Variants in SIGLEC1 observed in about 807,000 individuals in gnomAD.
SIGLEC1 encodes the protein sialoadhesin.
Under a neutral mutation model 148.0 loss-of-function variants are expected in SIGLEC1, and 132 were observed. The observed-to-expected ratio is 0.89, with a 90% CI of 0.77 to 1.03. The LOEUF (loss-of-function observed/expected upper bound fraction) is 1.03, where lower values mean the gene tolerates loss of function less well. Among genes scored for constraint, SIGLEC1 ranks in the 50% least tolerant of loss-of-function variants. The pLI, the probability that SIGLEC1 is intolerant of heterozygous loss-of-function variation, is 0.00. For missense variants in SIGLEC1, 2,253 were observed against 2,271.4 expected, an observed-to-expected ratio of 0.99 and a Z score of 0.16; for synonymous variants, 945 against 969.0, an observed-to-expected ratio of 0.98 and a Z score of 0.46.
intron 4 of SIGLEC1, 114 bp downstream of exon 4, chr20:3,705,630 G>T: frequency 8.4e-7 from 1 of 1,186,110 alleles, no homozygotes; most frequent in South Asian, 1.4e-5. Context: ...CCCAGGAGCA[G>T]CCTGGTTTTG....
Position 3,698,086 on chromosome 20 carries a change from C to A in SIGLEC1, c.1834G>T (p.Ala612Ser), listed in dbSNP as rs750338322. 6.8e-6 allele frequency: 11 copies of A among 1,607,544 alleles called. No homozygotes were observed. The highest frequency in any genetic ancestry group is 2.2e-5 in the South Asian group (2 of 90,468). Residue 612 changes from alanine to serine, a missense_variant, in exon 9 of 22, where the codon GCT (alanine) becomes TCT (serine). By Grantham distance (99) the Ala-to-Ser change is moderately conservative. Transcript: ENST00000344754. ...CCTCGCCGTCCAGCCCCGGCCCCAG[C>A]GGCATCAAGGTCCAGCCTGGTGGTG... ...TFTTRLDLDA[A>S]GAGAGRRGLL...
At chr20:3,703,114 C>A (rs1185105577) in intron 6 of SIGLEC1, 83 bp downstream of exon 6, 1 of 1,575,352 alleles carries the variant, frequency 6.3e-7, no homozygotes, top group East Asian at 2.3e-5. Context: ...GTTCCCATGC[C>A]CAGGACCCCA....
intron 6 of SIGLEC1, chr20:3,702,966 T>C: frequency 1.8e-6 from 1 of 563,504 alleles, no homozygotes; most frequent in Admixed American, 3.2e-5. Context: ...ATAATCATTA[T>C]TTGTCTTTCT....
intron 1 of SIGLEC1, among the ~76,000 whole-genome samples, chr20:3,709,986 A>G (rs1308708453): frequency 2.0e-5 from 3 of 152,238 alleles, no homozygotes; most frequent in Non-Finnish European, 4.4e-5. Context: ...TGGTTACACA[A>G]TATTGCAAAT....
chr20:3,703,207 C>G lies in SIGLEC1; in HGVS notation c.1218G>C (p.Val406=). The G allele has an allele frequency of 6.2e-7, 1 of 1,614,020 alleles. No individual in the cohort carries two copies. Among genetic ancestry groups the G allele is most frequent in the South Asian group, 1.1e-5 (1 of 91,074 alleles). The part of the protein sequence containing the change: ...HGSERSGPVS[V]VVNHPPLTPV... ...ACCCTGGCCTCTTACGGTTGACTAC[C>G]ACGCTGACAGGGCCCGAGCGCTCGC... Residue 406 remains valine (V), a synonymous_variant, in exon 6 of 22, where the codon GTG becomes GTC. Coordinates refer to ENST00000344754, the MANE Select transcript of SIGLEC1 (RefSeq NM_023068.4).
chr20:3,694,518 C>T lies in SIGLEC1; in HGVS notation c.2959G>A (p.Val987Ile), dbSNP rs1328595401. The T allele has an allele frequency of 1.8e-5, 28 of 1,560,116 alleles. No homozygotes were observed. Among genetic ancestry groups the T allele is most frequent in the East Asian group, 9.3e-5 (4 of 43,206 alleles). ...SLHVSYAPRH[V>I]TLTTLMDTGP... is the part of the protein sequence containing the mutation. ...GTGTCCATCAGGGTAGTGAGTGTGACGTGGCGTGGGGCATCTACACAGGGT... is the reference window on the plus strand; with the variant it reads ...GTGTCCATCAGGGTAGTGAGTGTGATGTGGCGTGGGGCATCTACACAGGGT... Residue 987 changes from valine to isoleucine, a missense_variant, in exon 13 of 22, where the codon GTC becomes ATC. Transcript: ENST00000344754.
Position 3,704,047 on chromosome 20 carries a change from T to C in SIGLEC1, c.751A>G (p.Asn251Asp), listed in dbSNP as rs781593242. ...VKILLSPSGR[N>D]ILPGELVTLT... ...GTGACCAGCTCACCTGGAAGGATGT[T>C]CCTCCCCGAGGGGCTGAGGAGGATC... Residue 251 changes from asparagine to aspartate, a missense_variant, in exon 5 of 22, where the codon AAC (asparagine) becomes GAC (aspartate). By Grantham distance (23) the Asn-to-Asp change is conservative. Transcript: ENST00000344754. 1 of 1,613,584 alleles carries C rather than the reference T, an allele frequency of 6.2e-7. No homozygotes were observed. Among genetic ancestry groups the C allele is most frequent in the Non-Finnish European group, 8.5e-7 (1 of 1,179,870 alleles).
chr20:3,691,615 T>C lies in SIGLEC1; in HGVS notation c.4331-15A>G. ...CACGCGTGCACCTGCGGGCGGAGGATAGAGAGATGATTGGGGATCTGTAGG... is the reference window on the plus strand; with the variant it reads ...CACGCGTGCACCTGCGGGCGGAGGACAGAGAGATGATTGGGGATCTGTAGG... On this transcript the variant is annotated splice_polypyrimidine_tract_variant and intron_variant, in intron 17 of 21. Coordinates refer to ENST00000344754, the MANE Select transcript of SIGLEC1 (RefSeq NM_023068.4). 6.2e-7 allele frequency: 1 copy of C among 1,607,782 alleles called. No homozygotes were observed.
At chr20:3,691,842 C>G in intron 17 of SIGLEC1, 61 bp downstream of exon 17, 1 of 1,515,874 alleles carries the variant, frequency 6.6e-7, no homozygotes, top group South Asian at 1.3e-5. Context: ...GCTCCAGCCC[C>G]TCTCGTGGAC....
chr20:3,696,881 CG>C lies in SIGLEC1; in HGVS notation c.2387del (p.Pro796ArgfsTer10), dbSNP rs2087806015. ...GGAGGGCTGACAGCTTTGGACGGTC[CG>C]GGGGATCTGCAGGAACAGAGGGAGC... ...TPVLLSVLYP[P>X]DRPKLSALLD... On this transcript the variant is annotated frameshift_variant, in exon 11 of 22. Coordinates refer to ENST00000344754, the MANE Select transcript of SIGLEC1 (RefSeq NM_023068.4). LOFTEE classifies it high-confidence loss of function. 3 of 1,550,158 alleles carry C rather than the reference CG, an allele frequency of 1.9e-6. No individual in the cohort carries two copies. Among genetic ancestry groups the C allele is most frequent in the South Asian group, 2.5e-5 (2 of 80,718 alleles).
rs76546275 is a variant in SIGLEC1, at chr20:3,694,340, G to A, written c.3137C>T (p.Ala1046Val). ...GSSPRLHVAVAPNTLRLEIHG... is the reference protein window; with the variant it reads ...GSSPRLHVAVVPNTLRLEIHG... ...GATCTCCAGACGCAGTGTGTTGGGG[G>A]CCACAGCCACATGCAGCCTGGGAGA... Residue 1046 changes from alanine to valine, a missense_variant, in exon 13 of 22, where the codon GCC (alanine) becomes GTC (valine). Physicochemically the swap from Ala to Val is moderately conservative, Grantham distance 64. Transcript: ENST00000344754. The A allele has an allele frequency of 5.6e-6, 9 of 1,613,240 alleles. No individual in the cohort carries two copies. The highest frequency in any genetic ancestry group is 7.6e-6 in the Non-Finnish European group (9 of 1,180,014).
At position 3,699,237 on chromosome 20, in the gene SIGLEC1, C is replaced by G. The variant is rs1276117111; in HGVS notation, c.1751G>C (p.Ser584Thr). ...HCRARDGHSA[S>T]GPSSPAVLTV... ...GAGAACAGCTGGCGAAGAGGGGCCA[C>G]TGGCACTGTGGCCGTCCCGGGCCCG... The change falls in exon 8 of 22, where the codon AGT (serine) becomes ACT (threonine). Residue 584 changes from serine to threonine, a missense_variant. Physicochemically the swap from Ser to Thr is moderately conservative, Grantham distance 58. Coordinates refer to ENST00000344754, the MANE Select transcript of SIGLEC1 (RefSeq NM_023068.4). 5.0e-6 allele frequency: 8 copies of G among 1,610,840 alleles called. No homozygotes were observed. The highest frequency in any genetic ancestry group is 6.8e-6 in the Non-Finnish European group (8 of 1,179,240).
At chr20:3,705,665 T>C in intron 4 of SIGLEC1, 79 bp downstream of exon 4, 2 of 1,472,224 alleles carry the variant, frequency 1.4e-6, no homozygotes, top group Non-Finnish European at 1.8e-6. Flanking sequence ...GTTCCGTTTC[T>C]GTGGGCTGGA....
chr20:3,705,891 T>G lies in SIGLEC1; in HGVS notation c.559A>C (p.Asn187His). The G allele has an allele frequency of 6.2e-7, 1 of 1,614,126 alleles. No individual in the cohort carries two copies. The highest frequency in any genetic ancestry group is 8.5e-7 in the Non-Finnish European group (1 of 1,180,040). ...GQDPARSVTF[N>H]SQKFEPTGVG... ...CCGGTGGGCTCAAACTTCTGGCTGT[T>G]GAAGGTGACAGAGCGAGCAGGGTCC... The change falls in exon 4 of 22, where the codon AAC (asparagine) becomes CAC (histidine). Residue 187 changes from asparagine to histidine, a missense_variant. By Grantham distance (68) the Asn-to-His change is moderately conservative (BLOSUM62 1). Coordinates refer to ENST00000344754, the MANE Select transcript of SIGLEC1 (RefSeq NM_023068.4).
chr20:3,709,383 C>T (rs914313103), intron 1 of SIGLEC1, among the ~76,000 whole-genome samples: 6 of 152,166 alleles, frequency 3.9e-5, no homozygotes, highest in Non-Finnish European at 8.8e-5. Flanking sequence ...ACTTCACATC[C>T]GTTAGAATGG....
intron 7 of SIGLEC1, among the ~76,000 whole-genome samples, chr20:3,700,153 C>T (rs11907973): frequency 0.022 from 2,176 of 99,016 alleles, 78 homozygotes; most frequent in African/African-American, 0.08. Context: ...AGTCTTGCTC[C>T]GTCAGCCAGG....
At chr20:3,706,085 C>T (rs1329122577) in intron 3 of SIGLEC1, 45 bp from the exon 4 acceptor site, 1 of 1,577,048 alleles carries the variant, frequency 6.3e-7, no homozygotes. Flanking sequence ...TTTGCCACCC[C>T]TGAGATCCCT....
intron 17 of SIGLEC1, 76 bp from the exon 18 acceptor site, chr20:3,691,676 G>T (rs117026083): frequency 9.1e-6 from 14 of 1,545,298 alleles, no homozygotes; most frequent in Non-Finnish European, 1.2e-5. Flanking sequence ...GGACCTCTGA[G>T]GGGCCTCTGC....
In SIGLEC1 at chr20:3,690,791, C is replaced by T. The variant is rs755823732; in HGVS notation, c.4592-527G>A. The stretch of plus-strand genomic sequence containing the variant: ...TATCGTGTGCCAGACACACTCAGCA[C>T]GCTTTATTTCTTTTGGTTTTTTCTC... On this transcript the variant is annotated intron_variant, in intron 18 of 21. Coordinates refer to ENST00000344754, the MANE Select transcript of SIGLEC1 (RefSeq NM_023068.4). Among the ~76,000 whole-genome samples the T allele has an allele frequency of 1.5e-4, 23 of 151,322 alleles. 2 individuals carry two copies. Among genetic ancestry groups the T allele is most frequent in the Admixed American group, 9.9e-4 (15 of 15,208 alleles).
Sources: gnomAD v4.1 joint callset for allele counts (sites outside exome capture counted in the v4.1 genomes callset) on GRCh38, gnomAD v4.1.1 for gene constraint, MANE v1.5 for transcripts, NCBI Gene and HGNC (gene_info 2026-07-23, HGNC 2026-07-21) for gene names.